Variants in DCTN4 observed in about 807,000 individuals in gnomAD.
DCTN4 encodes dynactin 4 (p62).
Under a neutral mutation model 62.7 loss-of-function variants are expected in DCTN4, and 23 were observed. That is an observed-to-expected ratio of 0.37 (90% CI 0.26 to 0.52). The LOEUF (loss-of-function observed/expected upper bound fraction) is 0.52, where lower values mean the gene tolerates loss of function less well. Ranked by LOEUF, DCTN4 falls within the 20% of genes least tolerant of loss-of-function variation. The pLI is 0.92. For missense variants in DCTN4, 514 were observed against 580.4 expected, an observed-to-expected ratio of 0.89 and a Z score of 1.18; for synonymous variants, 199 against 202.1, an observed-to-expected ratio of 0.98 and a Z score of 0.13.
At chr5:150,738,122 T>TA (rs1410309498) in intron 4 of DCTN4, among the ~76,000 whole-genome samples, 2 of 151,300 alleles carry the variant, frequency 1.3e-5, no homozygotes, top group Admixed American at 6.6e-5. Flanking sequence ...AAATGGTAAT[T>TA]AAAAAAAACT....
intron 4 of DCTN4, among the ~76,000 whole-genome samples, chr5:150,737,408 T>C (rs924409993): frequency 1.3e-5 from 2 of 152,140 alleles, no homozygotes; most frequent in Non-Finnish European, 2.9e-5. Context: ...TGAAATTATA[T>C]GAAGTACTCG....
At chr5:150,758,264 G>A in intron 1 of DCTN4, 1 of 985,608 alleles carries the variant, frequency 1.0e-6, no homozygotes, top group Non-Finnish European at 1.2e-6. Flanking sequence ...GGGAAGGACA[G>A]CATTGTCCTC....
chr5:150,721,298 A>G (rs1207805910), intron 9 of DCTN4, among the ~76,000 whole-genome samples: 1 of 152,208 alleles, frequency 6.6e-6, no homozygotes. Flanking sequence ...TCAGTTTGAC[A>G]CTGATTAACT....
At chr5:150,712,748 AT>A (rs1032620613) in intron 12 of DCTN4, among the ~76,000 whole-genome samples, 20 of 152,210 alleles carry the variant, frequency 1.3e-4, no homozygotes, top group African/African-American at 4.8e-4. Flanking sequence ...TCATTTGTGC[AT>A]ACAGTTTGTG....
chr5:150,720,239 A>T (rs945716663), intron 9 of DCTN4, among the ~76,000 whole-genome samples: 2 of 152,366 alleles, frequency 1.3e-5, no homozygotes, highest in East Asian at 1.9e-4. Flanking sequence ...TTGCAGAAAC[A>T]TTAAAAGTGG....
At chr5:150,728,436 T>C (rs1410392034) in intron 8 of DCTN4, among the ~76,000 whole-genome samples, 1 of 152,192 alleles carries the variant, frequency 6.6e-6, no homozygotes, top group African/African-American at 2.4e-5. Context: ...AGATAAATTG[T>C]CCAAATGTTC....
At chr5:150,720,250 G>T (rs1199074706) in intron 9 of DCTN4, among the ~76,000 whole-genome samples, 1 of 152,074 alleles carries the variant, frequency 6.6e-6, no homozygotes, top group Non-Finnish European at 1.5e-5. Flanking sequence ...TTAAAAGTGG[G>T]GGAAAAAGTA....
chr5:150,719,082 A>AG (rs1297460523), intron 10 of DCTN4, among the ~76,000 whole-genome samples: 1 of 152,162 alleles, frequency 6.6e-6, no homozygotes, highest in Non-Finnish European at 1.5e-5. Context: ...GGCCTCCCAA[A>AG]GTGCTGGGAT....
rs753645972 is a variant in DCTN4 at position 150,733,332 on chromosome 5, G to C, written c.537+36C>G. 29 of 1,473,748 alleles carry C rather than the reference G, an allele frequency of 2.0e-5. 1 individual carries two copies. The South Asian group carries it at 3.0e-4, about 15-fold the overall frequency. 91.3% of individuals were successfully genotyped at this position (1,473,748 alleles called of 1,614,324 possible). On this transcript the variant is annotated intron_variant, in intron 5 of 12. Coordinates refer to ENST00000447998, the MANE Select transcript of DCTN4 (RefSeq NM_016221.4). ...AAATGATCACTGTTCTTAGGCCTTAGAGGTCTTGCAAATCATTTTAGTACC... is the reference window on the plus strand; with the variant it reads ...AAATGATCACTGTTCTTAGGCCTTACAGGTCTTGCAAATCATTTTAGTACC...
chr5:150,751,599 A>G (rs978535710), intron 3 of DCTN4, among the ~76,000 whole-genome samples: 4 of 152,158 alleles, frequency 2.6e-5, no homozygotes, highest in Non-Finnish European at 5.9e-5. Context: ...CTTATCTCCT[A>G]TACTGACACT....
At chr5:150,736,521 T>C (rs1403202861) in intron 4 of DCTN4, among the ~76,000 whole-genome samples, 1 of 152,148 alleles carries the variant, frequency 6.6e-6, no homozygotes, top group African/African-American at 2.4e-5. Flanking sequence ...GCTTTGTAAA[T>C]GAATGAAGGA....
intron 3 of DCTN4, among the ~76,000 whole-genome samples, chr5:150,749,235 T>C (rs138347897): frequency 1.3e-5 from 2 of 152,206 alleles, no homozygotes; most frequent in Non-Finnish European, 2.9e-5. Context: ...ATCCAGAATA[T>C]AGAACTCTTA....
intron 8 of DCTN4, among the ~76,000 whole-genome samples, chr5:150,724,136 C>T (rs6895671): frequency 0.24 from 36,044 of 152,040 alleles, 9,438 homozygotes; most frequent in African/African-American, 0.65. Context: ...ACTAATCTGA[C>T]GATTATGAAA....
chr5:150,731,424 G>A lies in DCTN4; in HGVS notation c.603C>T (p.Ala201=), dbSNP rs768832377. Residue 201 remains alanine (A), a synonymous_variant, in exon 6 of 13, where the codon GCC becomes GCT. Transcript: ENST00000447998. ...TTCATGTCTAAACTTACGAAAGTCC[G>A]GCAAGGGTACTGATGGATGCACCAG... The part of the protein sequence containing the change: ...PRAGASISTL[A]GLSLKEGEDQ... The A allele has an allele frequency of 2.0e-5, 32 of 1,613,532 alleles. No individual in the cohort carries two copies. In the Middle Eastern group the frequency reaches 6.6e-4, roughly 33 times the overall value.
chr5:150,725,902 C>T (rs1417543062), intron 8 of DCTN4, among the ~76,000 whole-genome samples: 1 of 151,958 alleles, frequency 6.6e-6, no homozygotes, highest in African/African-American at 2.4e-5. Flanking sequence ...TAAAACAAAC[C>T]TGTATTTATT....
rs189737651 is a variant in DCTN4 at position 150,722,601 on chromosome 5, C to A, written c.908+306G>T. Among the ~76,000 whole-genome samples, 425 of 152,254 alleles carry A rather than the reference C, an allele frequency of 2.8e-3. 3 individuals are homozygous for A. The highest frequency in any genetic ancestry group is 5.3e-3 in the Admixed American group (81 of 15,286). On this transcript the variant is annotated intron_variant, in intron 9 of 12. Coordinates refer to ENST00000447998, the MANE Select transcript of DCTN4 (RefSeq NM_016221.4). ...TAAATTTTTTTTGAAGGATTATTCC[C>A]AAACTCAGATACTTTATAATTTGTA...
chr5:150,733,560 T>C (rs1286400816), intron 4 of DCTN4, 85 bp from the exon 5 acceptor site: 6 of 877,784 alleles, frequency 6.8e-6, no homozygotes, highest in African/African-American at 1.7e-5. Context: ...AGACACATAA[T>C]GAATAGAGAA....
intron 11 of DCTN4, among the ~76,000 whole-genome samples, chr5:150,717,751 T>G (rs1033362582): frequency 6.6e-6 from 1 of 152,204 alleles, no homozygotes; most frequent in African/African-American, 2.4e-5. Context: ...CTAAGTAAAA[T>G]GAATAGCATA....
chr5:150,748,014 T>A (rs1453297644), intron 3 of DCTN4, among the ~76,000 whole-genome samples: 14 of 146,776 alleles, frequency 9.5e-5, no homozygotes, highest in Non-Finnish European at 1.6e-4. Context: ...ACCTACAAAA[T>A]GGGAGAAAAT....
Sources: gnomAD v4.1 joint callset for allele counts (sites outside exome capture counted in the v4.1 genomes callset) on GRCh38, gnomAD v4.1.1 for gene constraint, MANE v1.5 for transcripts, NCBI Gene and HGNC (gene_info 2026-07-23, HGNC 2026-07-21) for gene names.